Variants in ADGRV1 observed in about 807,000 individuals in gnomAD.
ADGRV1 encodes the protein G-protein coupled receptor 98.
Under a neutral mutation model 596.2 loss-of-function variants are expected in ADGRV1, and 359 were observed. The ratio of observed to expected loss-of-function variants is 0.60; its 90% CI spans 0.55 to 0.66. The LOEUF is 0.66. ADGRV1 is among the 30% of genes least tolerant of loss of function. The pLI is 0.00. For missense variants in ADGRV1, 7,274 were observed against 7,575.6 expected (o/e 0.96, Z 1.48); for synonymous variants, 2,681 against 2,679.2 (o/e 1.00, Z -0.02).
At chr5:90,959,928 A>G (rs535769487) in intron 83 of ADGRV1, among the ~76,000 whole-genome samples, 16 of 152,280 alleles carry the variant, frequency 1.1e-4, no homozygotes, top group South Asian at 6.2e-4. Context: ...TCACGAGGTC[A>G]GGAGATCAAG....
intron 83 of ADGRV1, among the ~76,000 whole-genome samples, chr5:90,964,391 C>G (rs1191407009): frequency 6.6e-6 from 1 of 152,082 alleles, no homozygotes; most frequent in Non-Finnish European, 1.5e-5. Context: ...GTGGTACCCT[C>G]TGAAAATACA....
At chr5:90,753,068 AAGG>A (rs952899205) in intron 53 of ADGRV1, among the ~76,000 whole-genome samples, 5 of 152,292 alleles carry the variant, frequency 3.3e-5, no homozygotes, top group Middle Eastern at 3.4e-3. Flanking sequence ...AGAGACATAA[AAGG>A]AGAAGAGAGT....
chr5:90,650,898 G>T (rs139843198), intron 17 of ADGRV1, among the ~76,000 whole-genome samples: 1 of 152,302 alleles, frequency 6.6e-6, no homozygotes, highest in African/African-American at 2.4e-5. Context: ...TAAGTTAGGT[G>T]AGTGAAGATG....
chr5:90,672,592 G>A lies in ADGRV1; in HGVS notation c.4799G>A (p.Arg1600Lys). Residue 1600 changes from arginine to lysine, a missense_variant, in exon 22 of 90, where the codon AGA (arginine) becomes AAA (lysine). Physicochemically the swap from Arg to Lys is conservative, Grantham distance 26. Coordinates refer to ENST00000405460, the MANE Select transcript of ADGRV1 (RefSeq NM_032119.4). ...ATTTCTTGTGTGGTTGAGAGAACCA[G>A]AGGAGCTCTGGATTATGTGCATGTT... Reference protein sequence around the residue: ...STISCVVERTRGALDYVHVFY... With the variant: ...STISCVVERTKGALDYVHVFY... 6.2e-7 allele frequency: 1 copy of A among 1,613,796 alleles called. No individual in the cohort carries two copies.
Position 90,829,163 on chromosome 5 carries a change from A to C in ADGRV1, c.16588A>C (p.Met5530Leu). ...VARDSGTGLM[M>L]SVNFSTQELR... ...CAGAGATTCTGGGACAGGACTAATG[A>C]TGTCTGTTAACTTTAGTACCCAGGT... is the stretch of plus-strand genomic sequence containing the variant. Residue 5530 changes from methionine to leucine, a missense_variant, in exon 77 of 90, where the codon ATG becomes CTG. Physicochemically the swap from Met to Leu is conservative, Grantham distance 15. Around this residue, in one of 5 missense-constraint regions of ADGRV1, gnomAD observed 1,874 missense variants for 1,970.2 expected, o/e 0.95. Transcript: ENST00000405460. 6.4e-7 allele frequency: 1 copy of C among 1,564,286 alleles called. No homozygotes were observed. The highest frequency in any genetic ancestry group is 8.7e-7 in the Non-Finnish European group (1 of 1,149,172).
chr5:91,070,346 C>G (rs1012993988), intron 85 of ADGRV1, among the ~76,000 whole-genome samples: 2 of 152,110 alleles, frequency 1.3e-5, no homozygotes, highest in Non-Finnish European at 2.9e-5. Flanking sequence ...TTTTGGATTC[C>G]TTCTAAACAG....
Position 90,784,062 on chromosome 5 carries a change from A to C in ADGRV1, c.13653+5A>C, listed in dbSNP as rs1207678227. 6.3e-7 allele frequency: 1 copy of C among 1,582,492 alleles called. No homozygotes were observed. Among genetic ancestry groups the C allele is most frequent in the African/African-American group, 1.3e-5 (1 of 74,166 alleles). On this transcript the variant is annotated splice_donor_5th_base_variant and intron_variant, in intron 67 of 89. Coordinates refer to ENST00000405460, the MANE Select transcript of ADGRV1 (RefSeq NM_032119.4). ...GGACTCTTGGGAGAGATTCAGGTAG[A>C]TTTATGTTCCCCATGACTTTAAATA... is the stretch of plus-strand genomic sequence containing the variant.
At chr5:91,101,601 C>CCTGAGAAAAT (rs1235774737) in intron 86 of ADGRV1, among the ~76,000 whole-genome samples, 2 of 152,070 alleles carry the variant, frequency 1.3e-5, no homozygotes, top group African/African-American at 4.8e-5. Flanking sequence ...GTCCCTTGGC[C>CCTGAGAAAAT]CTGAGAAAAT....
chr5:91,013,553 G>A (rs1782897557), intron 85 of ADGRV1, among the ~76,000 whole-genome samples: 1 of 151,972 alleles, frequency 6.6e-6, no homozygotes, highest in African/African-American at 2.4e-5. Context: ...ATTTTTTAGT[G>A]GGGTTGTTTG....
chr5:90,581,208 T>G (rs185386357), intron 1 of ADGRV1, among the ~76,000 whole-genome samples: 215 of 152,304 alleles, frequency 1.4e-3, no homozygotes, highest in African/African-American at 4.9e-3. Flanking sequence ...ACATGCTCAT[T>G]TAGCTCGGAG....
rs1262040750 is a variant in ADGRV1 at position 90,644,775 on chromosome 5, A to G, written c.2804A>G (p.Asp935Gly). The stretch of plus-strand genomic sequence containing the variant: ...AGTGTATCATGGGTGGTTAGTCCAG[A>G]CTTTACACAAGATGTATTTCCTGTA... ...DVSVSWVVSP[D>G]FTQDVFPVQG... Residue 935 changes from aspartate to glycine, a missense_variant, in exon 15 of 90, where the codon GAC becomes GGC. Asp to Gly is a moderately conservative substitution (Grantham distance 94). Coordinates refer to ENST00000405460, the MANE Select transcript of ADGRV1 (RefSeq NM_032119.4). 6.2e-7 allele frequency: 1 copy of G among 1,611,618 alleles called. No individual in the cohort carries two copies. Among genetic ancestry groups the G allele is most frequent in the Non-Finnish European group, 8.5e-7 (1 of 1,179,162 alleles).
intron 81 of ADGRV1, among the ~76,000 whole-genome samples, chr5:90,854,812 T>C (rs1355839024): frequency 1.3e-5 from 2 of 152,318 alleles, no homozygotes; most frequent in Middle Eastern, 3.4e-3. Flanking sequence ...TGATTTTGTT[T>C]ATTACTGAAT....
intron 84 of ADGRV1, among the ~76,000 whole-genome samples, chr5:90,983,415 T>A (rs948205212): frequency 1.4e-4 from 22 of 152,290 alleles, no homozygotes; most frequent in African/African-American, 5.3e-4. Context: ...CTTAGAGTCA[T>A]TTAGCAATCT....
intron 1 of ADGRV1, among the ~76,000 whole-genome samples, chr5:90,576,408 C>T (rs1368016953): frequency 1.3e-5 from 2 of 152,076 alleles, no homozygotes; most frequent in South Asian, 2.1e-4. Context: ...ATGATGGTTT[C>T]CAGCTTCATC....
rs1000082566 is a variant in ADGRV1 at position 90,788,437 on chromosome 5, A to C, written c.13893+127A>C. 3.3e-6 allele frequency: 3 copies of C among 915,868 alleles called. No homozygotes were observed. The African/African-American group carries it at 5.0e-5, about 15-fold the overall frequency. 56.7% of individuals were successfully genotyped at this position (915,868 alleles called of 1,614,324 possible). On this transcript the variant is annotated intron_variant, in intron 68 of 89. Coordinates refer to ENST00000405460, the MANE Select transcript of ADGRV1 (RefSeq NM_032119.4). ...AATTATAAAACCAAATAATATCATA[A>C]TAATTCTGAAGGGTCAAACTTTTTG...
At chr5:90,590,254 C>T (rs1442080097) in intron 1 of ADGRV1, among the ~76,000 whole-genome samples, 7 of 152,172 alleles carry the variant, frequency 4.6e-5, no homozygotes, top group Non-Finnish European at 8.8e-5. Flanking sequence ...TCTCACAGGT[C>T]TAGGGTTTGA....
chr5:90,892,077 G>A (rs1445133149), intron 83 of ADGRV1, among the ~76,000 whole-genome samples: 2 of 151,882 alleles, frequency 1.3e-5, no homozygotes, highest in African/African-American at 4.8e-5. Context: ...TAGTTTCAAG[G>A]GGAAGTGTCA....
rs537859117 is a variant in ADGRV1 at position 91,060,822 on chromosome 5, T to C, written c.18153-11625T>C. The stretch of plus-strand genomic sequence containing the variant: ...TGTAACTATCACATAAAGCCACATA[T>C]GGGGCTAATTTCCAGGTCAGTGTAA... On this transcript the variant is annotated intron_variant, in intron 85 of 89. Transcript: ENST00000405460. Among the ~76,000 whole-genome samples the C allele has an allele frequency of 2.7e-5, 4 of 149,964 alleles. 1 individual carries two copies. The highest frequency in any genetic ancestry group is 9.7e-5 in the African/African-American group (4 of 41,448).
intron 83 of ADGRV1, among the ~76,000 whole-genome samples, chr5:90,948,502 G>A (rs891089582): frequency 3.3e-5 from 5 of 152,082 alleles, no homozygotes; most frequent in Non-Finnish European, 5.9e-5. Flanking sequence ...TCTGCTTAAC[G>A]TATAAACACA....
Sources: gnomAD v4.1 joint callset for allele counts (sites outside exome capture counted in the v4.1 genomes callset) on GRCh38, gnomAD v4.1.1 for gene constraint, gnomAD v4.1.1 regional missense constraint, MANE v1.5 for transcripts, NCBI Gene and HGNC (gene_info 2026-07-23, HGNC 2026-07-21) for gene names.